Variants in SDK1 observed in about 807,000 individuals in gnomAD.
The protein encoded by SDK1 is protein sidekick-1.
SDK1 carries 157 observed loss-of-function variants against 245.5 expected under a neutral mutation model. The ratio of observed to expected loss-of-function variants is 0.64; its 90% CI spans 0.56 to 0.73. The LOEUF (loss-of-function observed/expected upper bound fraction) is 0.73, where lower values mean the gene tolerates loss of function less well. SDK1 is among the 30% of genes least tolerant of loss of function. The pLI is 0.00. For missense variants in SDK1, 3,583 were observed against 3,002.3 expected (o/e 1.19, Z -4.52); for synonymous variants, 1,647 against 1,278.5 (o/e 1.29, Z -6.15).
At chr7:4,249,937 TCA>T (rs891220051) in intron 44 of SDK1, among the ~76,000 whole-genome samples, 4 of 152,190 alleles carry the variant, frequency 2.6e-5, no homozygotes, top group African/African-American at 9.7e-5. Flanking sequence ...TTCAGTACAT[TCA>T]CAGAGTTGTG....
rs565257056 is a variant in SDK1, at chr7:3,810,161, G to GT, written c.714-11289_714-11288insT. Among the ~76,000 whole-genome samples, 1,339 of 152,174 alleles carry GT rather than the reference G, an allele frequency of 8.8e-3. 11 individuals are homozygous for GT. The highest frequency in any genetic ancestry group is 0.013 in the Non-Finnish European group (897 of 68,006). On this transcript the variant is annotated intron_variant, in intron 4 of 44. Coordinates refer to ENST00000404826, the MANE Select transcript of SDK1 (RefSeq NM_152744.4). ...GGGAGAGGAGGATTCTTCATGAGGA[G>GT]CCCCCCCATATCTGGAGCAGTTTTA... is the stretch of plus-strand genomic sequence containing the variant.
chr7:3,639,255 G>C (rs1782570152), intron 3 of SDK1, 145 bp downstream of exon 3: 1 of 464,438 alleles, frequency 2.2e-6, no homozygotes. Context: ...CTCAGTGAGA[G>C]ATAAGTAAGC....
intron 5 of SDK1, among the ~76,000 whole-genome samples, chr7:3,834,096 A>G (rs1004659053): frequency 4.6e-5 from 7 of 152,188 alleles, no homozygotes; most frequent in African/African-American, 7.2e-5. Context: ...ACCATTTTCA[A>G]TGTCTATGTA....
chr7:3,910,507 G>A (rs191147262), intron 5 of SDK1, among the ~76,000 whole-genome samples: 36 of 152,228 alleles, frequency 2.4e-4, no homozygotes, highest in African/African-American at 8.7e-4. Flanking sequence ...GCTTTCGGAG[G>A]TCACCAAAAA....
intron 1 of SDK1, among the ~76,000 whole-genome samples, chr7:3,382,107 ATTTTT>A (rs1781503845): frequency 6.6e-6 from 1 of 151,846 alleles, no homozygotes; most frequent in South Asian, 2.1e-4. Flanking sequence ...TCCTCATTTT[ATTTTT>A]ATTTTTTATT....
chr7:3,544,027 C>A (rs891260394), intron 1 of SDK1, among the ~76,000 whole-genome samples: 4 of 152,190 alleles, frequency 2.6e-5, no homozygotes, highest in Non-Finnish European at 5.9e-5. Context: ...TCAACCATAA[C>A]CATTGTGTAG....
intron 1 of SDK1, among the ~76,000 whole-genome samples, chr7:3,488,907 G>A (rs879674335): frequency 3.5e-5 from 3 of 86,234 alleles, no homozygotes; most frequent in Non-Finnish European, 5.2e-5. Flanking sequence ...CTCCCTCCGT[G>A]TGTGTGTGTG....
At chr7:3,915,455 A>G (rs1779339167) in intron 5 of SDK1, among the ~76,000 whole-genome samples, 1 of 152,148 alleles carries the variant, frequency 6.6e-6, no homozygotes, top group South Asian at 2.1e-4. Context: ...GTGGTAGTGA[A>G]CAAGTCTCAT....
intron 2 of SDK1, among the ~76,000 whole-genome samples, chr7:3,624,615 A>G (rs1195333283): frequency 5.9e-5 from 9 of 152,360 alleles, no homozygotes; most frequent in African/African-American, 2.2e-4. Flanking sequence ...CACAACATTA[A>G]GTGAATAATG....
chr7:4,157,529 G>GGA (rs1554368334), intron 30 of SDK1, among the ~76,000 whole-genome samples: 1 of 145,646 alleles, frequency 6.9e-6, no homozygotes, highest in South Asian at 2.2e-4. Flanking sequence ...GGGAGGGAGG[G>GGA]AGGAAGGAAG....
chr7:4,248,965 C>T (rs754416454), intron 44 of SDK1, among the ~76,000 whole-genome samples: 8 of 152,052 alleles, frequency 5.3e-5, no homozygotes, highest in Non-Finnish European at 1.0e-4. Flanking sequence ...CCTAAATACA[C>T]ACATACACAT....
At chr7:4,134,496 C>G (rs974760231) in intron 28 of SDK1, among the ~76,000 whole-genome samples, 1 of 152,226 alleles carries the variant, frequency 6.6e-6, no homozygotes, top group Admixed American at 6.5e-5. Flanking sequence ...AGCACAGCAC[C>G]CAGGCATCAG....
At chr7:3,984,950 C>G (rs867510960) in intron 13 of SDK1, among the ~76,000 whole-genome samples, 2 of 152,332 alleles carry the variant, frequency 1.3e-5, no homozygotes, top group South Asian at 4.1e-4. Flanking sequence ...AGGGCAAATC[C>G]TGCATTCCTA....
intron 1 of SDK1, among the ~76,000 whole-genome samples, chr7:3,611,098 T>C (rs544230314): frequency 1.3e-5 from 2 of 152,308 alleles, no homozygotes; most frequent in Non-Finnish European, 2.9e-5. Flanking sequence ...AAGGCAGTAG[T>C]AGAGAGAGAT....
At chr7:3,787,231 T>C (rs528366858) in intron 4 of SDK1, among the ~76,000 whole-genome samples, 64 of 152,134 alleles carry the variant, frequency 4.2e-4, no homozygotes, top group African/African-American at 1.4e-3. Context: ...GCCGTTAGTC[T>C]TTCTCCTTTT....
intron 2 of SDK1, among the ~76,000 whole-genome samples, chr7:3,626,536 C>T (rs1219519089): frequency 2.6e-5 from 4 of 152,174 alleles, no homozygotes; most frequent in Admixed American, 6.5e-5. Flanking sequence ...GCTGGGTGGC[C>T]CAGGCCCTCA....
intron 5 of SDK1, among the ~76,000 whole-genome samples, chr7:3,936,357 G>T (rs576459380): frequency 6.6e-6 from 1 of 152,126 alleles, no homozygotes; most frequent in South Asian, 2.1e-4. Flanking sequence ...CGAGGCAGGC[G>T]GATCACAAGG....
intron 4 of SDK1, among the ~76,000 whole-genome samples, chr7:3,804,166 A>T (rs1779181807): frequency 6.6e-6 from 1 of 152,222 alleles, no homozygotes; most frequent in Admixed American, 6.5e-5. Context: ...TTTTGCTGTC[A>T]TATCTAAGAA....
intron 1 of SDK1, among the ~76,000 whole-genome samples, chr7:3,518,153 A>G (rs999379083): frequency 1.3e-5 from 2 of 152,174 alleles, no homozygotes; most frequent in Non-Finnish European, 2.9e-5. Context: ...CAGTTTGAGT[A>G]TGAGGCAGGA....
Sources: allele counts gnomAD v4.1 joint callset (sites outside exome capture counted in the v4.1 genomes callset), GRCh38; gene constraint gnomAD v4.1.1; transcripts MANE v1.5; gene names NCBI Gene and HGNC (gene_info 2026-07-23, HGNC 2026-07-21).